PDZD2: variants seen among roughly 807,000 people sequenced by gnomAD.
PDZD2 encodes the protein PDZ domain-containing protein 2.
Under a neutral mutation model 220.7 loss-of-function variants are expected in PDZD2, and 90 were observed. That is an observed-to-expected ratio of 0.41 (90% CI 0.34 to 0.49). The LOEUF is 0.49. Ranked by LOEUF, PDZD2 falls within the 20% of genes least tolerant of loss-of-function variation. The pLI, the probability that PDZD2 is intolerant of heterozygous loss-of-function variation, is 0.28. For missense variants in PDZD2, 3,174 were observed against 3,608.5 expected, an observed-to-expected ratio of 0.88 and a Z score of 3.08; for synonymous variants, 1,375 against 1,450.5, an observed-to-expected ratio of 0.95 and a Z score of 1.18.
At chr5:31,757,271 T>A (rs961778373) in intron 1 of PDZD2, among the ~76,000 whole-genome samples, 1 of 152,014 alleles carries the variant, frequency 6.6e-6, no homozygotes, top group Non-Finnish European at 1.5e-5. Flanking sequence ...GGATGACAGA[T>A]GAGTCCTCTT....
intron 1 of PDZD2, among the ~76,000 whole-genome samples, chr5:31,719,887 G>T (rs1020907213): frequency 6.6e-6 from 1 of 152,164 alleles, no homozygotes; most frequent in Admixed American, 6.5e-5. Context: ...AAGAATTTTA[G>T]TTGCAAAACA....
chr5:31,675,660 A>G (rs1301355132), intron 1 of PDZD2, among the ~76,000 whole-genome samples: 3 of 152,198 alleles, frequency 2.0e-5, no homozygotes, highest in African/African-American at 7.2e-5. Flanking sequence ...CTTACATTCT[A>G]TCAGTCCTTA....
At chr5:31,897,591 A>G (rs374643835) in intron 2 of PDZD2, among the ~76,000 whole-genome samples, 28 of 152,338 alleles carry the variant, frequency 1.8e-4, no homozygotes, top group African/African-American at 6.7e-4. Flanking sequence ...TGATGTGAAA[A>G]TATTCTCTTT....
At chr5:31,846,952 G>T (rs904458927) in intron 2 of PDZD2, among the ~76,000 whole-genome samples, 2 of 152,160 alleles carry the variant, frequency 1.3e-5, no homozygotes, top group African/African-American at 4.8e-5. Context: ...AGAGTAATTT[G>T]GATCAAGGCT....
intron 1 of PDZD2, among the ~76,000 whole-genome samples, chr5:31,760,072 TG>T (rs1356289534): frequency 6.6e-6 from 1 of 150,486 alleles, no homozygotes; most frequent in African/African-American, 2.4e-5. Context: ...GGAGGAGGAG[TG>T]GGGAGTGTTT....
At chr5:31,907,035 G>GA (rs1415941845) in intron 2 of PDZD2, among the ~76,000 whole-genome samples, 2 of 152,138 alleles carry the variant, frequency 1.3e-5, no homozygotes, top group Non-Finnish European at 2.9e-5. Flanking sequence ...TGAGAACTGA[G>GA]AAAAAGATCA....
intron 2 of PDZD2, among the ~76,000 whole-genome samples, chr5:31,864,437 C>T (rs1738003497): frequency 6.6e-6 from 1 of 152,120 alleles, no homozygotes; most frequent in South Asian, 2.1e-4. Flanking sequence ...AGTCTATGTC[C>T]ATTTCTTTCT....
At chr5:31,737,184 T>C (rs1166410866) in intron 1 of PDZD2, among the ~76,000 whole-genome samples, 1 of 140,850 alleles carries the variant, frequency 7.1e-6, no homozygotes, top group Non-Finnish European at 1.5e-5. Flanking sequence ...TTTTTTTTTT[T>C]TTTTTTTTGA....
chr5:32,109,548 G>A lies in PDZD2; in HGVS notation c.*1413G>A, dbSNP rs967939905. ...AGGTAAATAATTCCAAACTCTCATC[G>A]GGTCATAAAGAGGAGGAGAAACAGG... On this transcript the variant is annotated 3_prime_UTR_variant, in exon 25 of 25. Transcript: ENST00000438447. 2 of 152,056 alleles carry A rather than the reference G, an allele frequency of 1.3e-5. No individual in the cohort carries two copies. The highest frequency in any genetic ancestry group is 4.8e-5 in the African/African-American group (2 of 41,358). 9.4% of individuals were successfully genotyped at this position (152,056 alleles called of 1,614,324 possible).
rs114670561 is a variant in PDZD2, at chr5:31,675,266, C to G, written c.-361+35829C>G. On this transcript the variant is annotated intron_variant, in intron 1 of 24. Coordinates refer to ENST00000438447, the MANE Select transcript of PDZD2 (RefSeq NM_178140.4). ...TTGGAGGTAGGCTGAAGCCCCAAAG[C>G]TGGTAGGCTCGTGGGCTCCTTCTCC... 8.9e-3 allele frequency among the ~76,000 whole-genome samples: 1,357 copies of G among 152,284 alleles called. 17 individuals are homozygous for G. Among genetic ancestry groups the G allele is most frequent in the African/African-American group, 0.031 (1,284 of 41,558 alleles).
intron 9 of PDZD2, 52 bp downstream of exon 9, chr5:32,052,782 A>G (rs1000101166): frequency 2.9e-5 from 46 of 1,573,110 alleles, no homozygotes; most frequent in Non-Finnish European, 4.0e-5. Context: ...CTTAGCACAC[A>G]TTTTTTGTTT....
At chr5:31,884,259 A>ACATACATCCATCCATC (rs923352259) in intron 2 of PDZD2, among the ~76,000 whole-genome samples, 9 of 151,562 alleles carry the variant, frequency 5.9e-5, no homozygotes, top group African/African-American at 2.2e-4. Context: ...ATACATACAT[A>ACATACATCCATCCATC]CATCCTGGGT....
At chr5:32,093,563 T>C (rs1430259891) in intron 21 of PDZD2, among the ~76,000 whole-genome samples, 4 of 152,230 alleles carry the variant, frequency 2.6e-5, no homozygotes. Context: ...AACAACCTAC[T>C]GTTGACCGGA....
chr5:31,873,203 G>A (rs1171402366), intron 2 of PDZD2, among the ~76,000 whole-genome samples: 2 of 152,080 alleles, frequency 1.3e-5, no homozygotes, highest in African/African-American at 4.8e-5. Context: ...GGAGACTGAG[G>A]CAGGAGAATT....
chr5:31,971,319 C>A (rs1749278822), intron 2 of PDZD2, among the ~76,000 whole-genome samples: 1 of 152,164 alleles, frequency 6.6e-6, no homozygotes, highest in Non-Finnish European at 1.5e-5. Context: ...TGTCCTCTTA[C>A]AGTAGGAAGA....
In PDZD2 at chr5:31,875,883, G is replaced by A. The variant is rs535890347; in HGVS notation, c.476+76159G>A. On this transcript the variant is annotated intron_variant, in intron 2 of 24. Transcript: ENST00000438447. ...ATGCTAATTACTATAGTTATCTAAT[G>A]TGTTTTAATATTTGATAGAATGAGT... is the stretch of plus-strand genomic sequence containing the variant. 3.3e-5 allele frequency among the ~76,000 whole-genome samples: 5 copies of A among 151,970 alleles called. No individual in the cohort carries two copies. In the South Asian group the frequency reaches 8.3e-4, roughly 25 times the overall value.
intron 7 of PDZD2, among the ~76,000 whole-genome samples, chr5:32,046,764 C>G (rs939069960): frequency 6.6e-6 from 1 of 152,078 alleles, no homozygotes; most frequent in Non-Finnish European, 1.5e-5. Flanking sequence ...AAAAATGGGC[C>G]AGGCGCAATG....
rs370055307 is a variant in PDZD2, at chr5:32,091,150, C to T, written c.7702C>T (p.Pro2568Ser). ...SDTGEAAQDL[P>S]FRRSWSVNLD... ...TACGGGTGAAGCTGCCCAGGATCTG[C>T]CTTTTAGAAGAAGCTGGTCAGTTAA... Residue 2568 changes from proline to serine, a missense_variant, in exon 20 of 25, where the codon CCT (proline) becomes TCT (serine). This residue lies in a region of PDZD2 where 631 missense variants were observed against 789.9 expected (regional missense o/e 0.80). Coordinates refer to ENST00000438447, the MANE Select transcript of PDZD2 (RefSeq NM_178140.4). The T allele has an allele frequency of 1.5e-5, 23 of 1,574,128 alleles. No individual in the cohort carries two copies. Among genetic ancestry groups the T allele is most frequent in the Admixed American group, 1.3e-4 (7 of 55,988 alleles).
intron 2 of PDZD2, among the ~76,000 whole-genome samples, chr5:31,810,263 A>T (rs1388255758): frequency 7.5e-6 from 1 of 132,750 alleles, no homozygotes; most frequent in Non-Finnish European, 1.6e-5. Flanking sequence ...TTCTCCAGAG[A>T]TTTTTTTTTT....
Sources: gnomAD v4.1 joint callset for allele counts (sites outside exome capture counted in the v4.1 genomes callset) on GRCh38, gnomAD v4.1.1 for gene constraint, gnomAD v4.1.1 regional missense constraint, MANE v1.5 for transcripts, NCBI Gene and HGNC (gene_info 2026-07-23, HGNC 2026-07-21) for gene names.